SFT2D1: variants seen among roughly 807,000 people sequenced by gnomAD.
SFT2D1 encodes the protein SFT2 domain containing 1.
Under a neutral mutation model 28.1 loss-of-function variants are expected in SFT2D1, and 24 were observed. The ratio of observed to expected loss-of-function variants is 0.85; its 90% CI spans 0.62 to 1.20. The LOEUF is 1.20. Among genes scored for constraint, SFT2D1 ranks in the 50% most tolerant of loss-of-function variants. The pLI, the probability that SFT2D1 is intolerant of heterozygous loss-of-function variation, is 0.00. For synonymous variants in SFT2D1, 82 were observed against 73.7 expected, an observed-to-expected ratio of 1.11 and a Z score of -0.58; for missense variants, 181 against 190.9, an observed-to-expected ratio of 0.95 and a Z score of 0.31.
intron 1 of SFT2D1, chr6:166,335,094 C>A: frequency 1.7e-6 from 1 of 576,030 alleles, no homozygotes. Flanking sequence ...ATGGCCAAAA[C>A]TGTGAAGTTA....
At chr6:166,329,707 T>G in intron 2 of SFT2D1, 118 bp from the exon 3 acceptor site, 2 of 812,448 alleles carry the variant, frequency 2.5e-6, no homozygotes, top group South Asian at 2.3e-5. Flanking sequence ...AATACAAATC[T>G]GCTTGTAGAC....
At chr6:166,329,379 A>AT in intron 3 of SFT2D1, 128 bp downstream of exon 3, 1 of 692,338 alleles carries the variant, frequency 1.4e-6, no homozygotes, top group African/African-American at 1.8e-5. Context: ...TTATTTAATG[A>AT]ATGTAAATCC....
chr6:166,331,119 T>C (rs1359519811), intron 1 of SFT2D1, among the ~76,000 whole-genome samples: 2 of 152,232 alleles, frequency 1.3e-5, no homozygotes. Flanking sequence ...CAGCACACAG[T>C]AGTGGTGAAA....
rs117696269 is a variant in SFT2D1, at chr6:166,330,070, T to G, written c.150+91A>C. ...TTCCACCAAAATGGTCTAACAGGGA[T>G]TTAGTAAAGGACATTAGTTTTTGGT... On this transcript the variant is annotated intron_variant, in intron 2 of 7. Coordinates refer to ENST00000361731, the MANE Select transcript of SFT2D1 (RefSeq NM_145169.3). The G allele has an allele frequency of 8.5e-4, 829 of 975,022 alleles. 12 individuals carry two copies. In the East Asian group the frequency reaches 0.019, roughly 23 times the overall value. The allele number at this position is 975,022 out of a possible 1,614,324, so 60.4% of individuals were successfully genotyped here. A position where few individuals can be genotyped will look rare whatever the true frequency, so the allele number is the denominator to read the frequency against.
intron 6 of SFT2D1, chr6:166,324,061 A>G (rs928254668): frequency 1.3e-5 from 2 of 152,494 alleles, no homozygotes; most frequent in Non-Finnish European, 2.9e-5. Flanking sequence ...GGGATGCTCA[A>G]CCAGTAACTT....
Position 166,319,973 on chromosome 6 carries a change from T to G in SFT2D1, c.*244A>C. 2.5e-6 allele frequency: 1 copy of G among 400,354 alleles called. No individual in the cohort carries two copies. The highest frequency in any genetic ancestry group is 4.4e-5 in the East Asian group (1 of 22,528). The allele number at this position is 400,354 out of a possible 1,614,324, so 24.8% of individuals were successfully genotyped here. A position where few individuals can be genotyped will look rare whatever the true frequency, so the allele number is the denominator to read the frequency against. On this transcript the variant is annotated 3_prime_UTR_variant, in exon 8 of 8. Coordinates refer to ENST00000361731, the MANE Select transcript of SFT2D1 (RefSeq NM_145169.3). Reference sequence around the variant, plus strand: ...AAATTGGCTAAAAATAATTTACAACTGGCAGTGATTAAAAATCTTATCTTT... The same window carrying G: ...AAATTGGCTAAAAATAATTTACAACGGGCAGTGATTAAAAATCTTATCTTT...
intron 5 of SFT2D1, among the ~76,000 whole-genome samples, chr6:166,325,690 A>C (rs1210254036): frequency 6.6e-6 from 1 of 152,242 alleles, no homozygotes; most frequent in Non-Finnish European, 1.5e-5. Flanking sequence ...CACACCGGGC[A>C]CTGTCAGATT....
Position 166,319,800 on chromosome 6 carries a change from A to G in SFT2D1, c.*417T>C, listed in dbSNP as rs1347231096. The G allele has an allele frequency of 6.6e-6, 1 of 152,406 alleles. No homozygotes were observed. The highest frequency in any genetic ancestry group is 1.5e-5 in the Non-Finnish European group (1 of 68,420). The allele number at this position is 152,406 out of a possible 1,614,324, so 9.4% of individuals were successfully genotyped here. A position where few individuals can be genotyped will look rare whatever the true frequency, so the allele number is the denominator to read the frequency against. On this transcript the variant is annotated 3_prime_UTR_variant, in exon 8 of 8. Coordinates refer to ENST00000361731, the MANE Select transcript of SFT2D1 (RefSeq NM_145169.3). ...ATTATTTTTATTACATATAATAAGC[A>G]ATTTTTAGCTTAAAATAAGTTTCAC... is the stretch of plus-strand genomic sequence containing the variant.
intron 4 of SFT2D1, among the ~76,000 whole-genome samples, 179 bp downstream of exon 4, chr6:166,328,097 C>T (rs1007278510): frequency 9.3e-5 from 14 of 151,144 alleles, no homozygotes; most frequent in African/African-American, 2.9e-4. Flanking sequence ...CGTGCCCGGC[C>T]GGATATAATT....
intron 1 of SFT2D1, among the ~76,000 whole-genome samples, chr6:166,338,312 T>C (rs1778699352): frequency 6.6e-6 from 1 of 152,174 alleles, no homozygotes. Flanking sequence ...AACTCACTCA[T>C]CTGTTTGTTC....
chr6:166,326,179 G>T lies in SFT2D1; in HGVS notation c.316-12C>A. Reference sequence around the variant, plus strand: ...AATATGAAACACAACTACAGGGGAAGAAAGAGTAGATTATAAGTTTGAGAT... The same window carrying T: ...AATATGAAACACAACTACAGGGGAATAAAGAGTAGATTATAAGTTTGAGAT... On this transcript the variant is annotated splice_polypyrimidine_tract_variant and intron_variant, in intron 4 of 7. Transcript: ENST00000361731. 6.2e-7 allele frequency: 1 copy of T among 1,611,470 alleles called. No individual in the cohort carries two copies. The highest frequency in any genetic ancestry group is 8.5e-7 in the Non-Finnish European group (1 of 1,178,060).
At chr6:166,320,284 G>C (rs775174018) in intron 7 of SFT2D1, 28 bp from the exon 8 acceptor site, 2 of 1,596,454 alleles carry the variant, frequency 1.3e-6, no homozygotes, top group Non-Finnish European at 1.7e-6. Flanking sequence ...GAAAAAAACA[G>C]AATATAATAT....
intron 1 of SFT2D1, among the ~76,000 whole-genome samples, chr6:166,333,693 T>C (rs1475087642): frequency 6.6e-6 from 1 of 152,232 alleles, no homozygotes; most frequent in African/African-American, 2.4e-5. Context: ...AGGGGGGTCC[T>C]GAGCCAGTCC....
At chr6:166,328,414 C>T in intron 3 of SFT2D1, 57 bp from the exon 4 acceptor site, 2 of 954,270 alleles carry the variant, frequency 2.1e-6, no homozygotes, top group Middle Eastern at 2.4e-4. Flanking sequence ...TCTGGTTATG[C>T]AAAAATAAAC....
chr6:166,333,826 T>G (rs1274101412), intron 1 of SFT2D1, among the ~76,000 whole-genome samples: 2 of 152,184 alleles, frequency 1.3e-5, no homozygotes, highest in Non-Finnish European at 2.9e-5. Flanking sequence ...CTTCCATTCT[T>G]AGCAGACAAC....
chr6:166,324,737 T>C, intron 5 of SFT2D1, 142 bp from the exon 6 acceptor site: 1 of 781,444 alleles, frequency 1.3e-6, no homozygotes, highest in Non-Finnish European at 2.0e-6. Context: ...AAATTTAAGA[T>C]ACAGTTGATC....
chr6:166,340,304 A>G (rs920711753), intron 1 of SFT2D1, among the ~76,000 whole-genome samples: 7 of 152,236 alleles, frequency 4.6e-5, no homozygotes, highest in African/African-American at 9.6e-5. Context: ...CAGAGCTGCC[A>G]GAGTGATCCT....
chr6:166,326,525 T>C (rs994772378), intron 4 of SFT2D1, among the ~76,000 whole-genome samples: 1 of 152,136 alleles, frequency 6.6e-6, no homozygotes, highest in Admixed American at 6.5e-5. Context: ...TATCTGAGGG[T>C]CCTTGGTGAA....
At chr6:166,338,812 C>T (rs1440863408) in intron 1 of SFT2D1, among the ~76,000 whole-genome samples, 1 of 152,082 alleles carries the variant, frequency 6.6e-6, no homozygotes, top group African/African-American at 2.4e-5. Flanking sequence ...TAAGATCTGG[C>T]TCAATATCTC....
Sources: allele counts gnomAD v4.1 joint callset (sites outside exome capture counted in the v4.1 genomes callset), GRCh38; gene constraint gnomAD v4.1.1; transcripts MANE v1.5; gene names NCBI Gene and HGNC (gene_info 2026-07-23, HGNC 2026-07-21).